MINDY3: variants seen among roughly 807,000 people sequenced by gnomAD.
MINDY3 encodes ubiquitin carboxyl-terminal hydrolase MINDY-3.
Under a neutral mutation model 69.2 loss-of-function variants are expected in MINDY3, and 38 were observed. The ratio of observed to expected loss-of-function variants is 0.55; its 90% confidence interval spans 0.42 to 0.72. The LOEUF is 0.72. MINDY3 is among the 30% of genes least tolerant of loss of function. MINDY3 has a pLI of 0.00. For missense variants in MINDY3, 522 were observed against 519.0 expected, an observed-to-expected ratio of 1.01 and a Z score of -0.06; for synonymous variants, 192 against 180.1, an observed-to-expected ratio of 1.07 and a Z score of -0.53.
At chr10:15,824,282 C>T (rs889928885) in intron 8 of MINDY3, among the ~76,000 whole-genome samples, 3 of 152,150 alleles carry the variant, frequency 2.0e-5, no homozygotes, top group Non-Finnish European at 4.4e-5. Flanking sequence ...ATCTTCGCCA[C>T]ACTTTTGTTG....
intron 1 of MINDY3, among the ~76,000 whole-genome samples, chr10:15,852,207 C>T (rs779249991): frequency 6.6e-5 from 10 of 152,088 alleles, no homozygotes; most frequent in Admixed American, 2.0e-4. Flanking sequence ...ATCTGTGTTA[C>T]TGGTCATTGT....
In MINDY3 at chr10:15,801,905, G is replaced by GAAAT. The variant is rs563595796; in HGVS notation, c.883-5737_883-5734dup. Among the ~76,000 whole-genome samples, 393 of 152,052 alleles carry GAAAT rather than the reference G, an allele frequency of 2.6e-3. 4 individuals carry two copies. The highest frequency in any genetic ancestry group is 8.7e-3 in the African/African-American group (360 of 41,474). ...AGAGCTAACAGATACCACATCAGAA[G>GAAAT]AAATAACAGAAGATGGCTTGATAGA... On this transcript the variant is annotated intron_variant, in intron 10 of 14. Coordinates refer to ENST00000277632, the MANE Select transcript of MINDY3 (RefSeq NM_024948.4).
At chr10:15,846,343 T>TA (rs1833842683) in intron 2 of MINDY3, among the ~76,000 whole-genome samples, 2 of 152,158 alleles carry the variant, frequency 1.3e-5, no homozygotes, top group South Asian at 4.1e-4. Flanking sequence ...AGGGGCAGTA[T>TA]TTATATAATC....
At chr10:15,838,357 T>TGTGGAAAGG in intron 4 of MINDY3, 78 bp from the exon 5 acceptor site, 1 of 1,285,730 alleles carries the variant, frequency 7.8e-7, no homozygotes, top group Non-Finnish European at 1.0e-6. Flanking sequence ...CTGTAAATAC[T>TGTGGAAAGG]TTCAAGCAAT....
At chr10:15,786,942 T>C (rs1301309109) in intron 12 of MINDY3, among the ~76,000 whole-genome samples, 1 of 152,186 alleles carries the variant, frequency 6.6e-6, no homozygotes, top group Admixed American at 6.5e-5. Context: ...CTCAAGCTTG[T>C]AACTTCCCAA....
intron 8 of MINDY3, among the ~76,000 whole-genome samples, chr10:15,828,896 C>T (rs373308163): frequency 1.3e-5 from 2 of 152,166 alleles, no homozygotes; most frequent in Non-Finnish European, 2.9e-5. Flanking sequence ...AATAGTTACT[C>T]GTTGAAAATC....
rs757670501 is a variant in MINDY3 at position 15,841,407 on chromosome 10, A to G, written c.409+19T>C. On this transcript the variant is annotated intron_variant, in intron 4 of 14. Transcript: ENST00000277632. ...AAAGGAACAAGAAAAAAACTTCAGG[A>G]AATAAAAATATATCTTACAAGAATG... The G allele has an allele frequency of 6.3e-7, 1 of 1,582,284 alleles. No individual in the cohort carries two copies. Among genetic ancestry groups the G allele is most frequent in the Non-Finnish European group, 8.6e-7 (1 of 1,166,696 alleles).
intron 6 of MINDY3, among the ~76,000 whole-genome samples, chr10:15,835,606 AT>A (rs1223391934): frequency 1.3e-5 from 2 of 152,028 alleles, no homozygotes; most frequent in Non-Finnish European, 2.9e-5. Context: ...TTGCATGATA[AT>A]TTATTGGCTG....
intron 2 of MINDY3, among the ~76,000 whole-genome samples, chr10:15,845,312 T>C (rs1271531367): frequency 6.6e-6 from 1 of 152,222 alleles, no homozygotes; most frequent in Non-Finnish European, 1.5e-5. Context: ...ATGAGGTCTA[T>C]GATTGTATTA....
intron 8 of MINDY3, among the ~76,000 whole-genome samples, chr10:15,828,668 G>A (rs1840255368): frequency 6.6e-6 from 1 of 151,452 alleles, no homozygotes; most frequent in Admixed American, 6.6e-5. Context: ...TATAAGGAAA[G>A]ACGTATATAC....
intron 8 of MINDY3, among the ~76,000 whole-genome samples, chr10:15,829,967 G>A (rs1416784028): frequency 2.0e-5 from 3 of 152,096 alleles, no homozygotes; most frequent in African/African-American, 7.2e-5. Flanking sequence ...GTTCCACCAT[G>A]GCACAGTGTC....
In MINDY3 at chr10:15,782,159, T is replaced by C. The variant is rs749288780; in HGVS notation, c.1184A>G (p.Glu395Gly). 6.2e-7 allele frequency: 1 copy of C among 1,604,856 alleles called. No individual in the cohort carries two copies. Among genetic ancestry groups the C allele is most frequent in the Non-Finnish European group, 8.5e-7 (1 of 1,172,766 alleles). ...CGACTACGTGAATTATCATACCTTT[T>C]CATTATAATTTGACTGCTTCAATCC... is the stretch of plus-strand genomic sequence containing the variant. ...YNGLKQSNYN[E>G]KVMYVEGTAV... The change falls in exon 14 of 15, where the codon GAA becomes GGA. Residue 395 changes from glutamate (E) to glycine (G), a missense_variant. By Grantham distance (98) the Glu-to-Gly change is moderately conservative. Coordinates refer to ENST00000277632, the MANE Select transcript of MINDY3 (RefSeq NM_024948.4).
chr10:15,834,423 C>T (rs1832939741), intron 7 of MINDY3, 120 bp downstream of exon 7: 7 of 609,678 alleles, frequency 1.1e-5, no homozygotes, highest in East Asian at 1.1e-4. Flanking sequence ...CAAATCCATA[C>T]ATGTTGTACT....
intron 1 of MINDY3, among the ~76,000 whole-genome samples, chr10:15,854,245 G>T (rs1264213234): frequency 2.6e-5 from 4 of 152,070 alleles, no homozygotes; most frequent in African/African-American, 9.7e-5. Flanking sequence ...TATTAAAGAA[G>T]ATTATGTGTA....
At chr10:15,779,367 T>C (rs1202508109) in intron 14 of MINDY3, among the ~76,000 whole-genome samples, 1 of 152,198 alleles carries the variant, frequency 6.6e-6, no homozygotes, top group African/African-American at 2.4e-5. Flanking sequence ...AGGTGATTTT[T>C]AAAAAATTCA....
intron 10 of MINDY3, among the ~76,000 whole-genome samples, chr10:15,815,944 G>T (rs1839327455): frequency 6.6e-6 from 1 of 152,104 alleles, no homozygotes. Flanking sequence ...TTTAAAAATA[G>T]CTTTGTTATA....
chr10:15,831,682 T>A (rs929818856), intron 8 of MINDY3, among the ~76,000 whole-genome samples: 30 of 149,714 alleles, frequency 2.0e-4, no homozygotes, highest in African/African-American at 7.4e-4. Context: ...TCTTTTTTTT[T>A]TTTTTTTTTT....
At chr10:15,782,877 C>G (rs2131823119) in intron 13 of MINDY3, among the ~76,000 whole-genome samples, 1 of 152,312 alleles carries the variant, frequency 6.6e-6, no homozygotes, top group Middle Eastern at 3.4e-3. Flanking sequence ...TTCCCACTAT[C>G]TTAACCTTGC....
At chr10:15,859,355 C>T (rs1165138826) in intron 1 of MINDY3, among the ~76,000 whole-genome samples, 2 of 152,024 alleles carry the variant, frequency 1.3e-5, no homozygotes, top group Admixed American at 6.6e-5. Flanking sequence ...ATTATTGATC[C>T]TTCTGACTCA....
Sources: allele counts gnomAD v4.1 joint callset (sites outside exome capture counted in the v4.1 genomes callset), GRCh38; gene constraint gnomAD v4.1.1; transcripts MANE v1.5; gene names NCBI Gene and HGNC (gene_info 2026-07-23, HGNC 2026-07-21).